The following CRYBG1 variants were observed in gnomAD, a reference collection of about 807,000 sequenced individuals.
CRYBG1 encodes the protein crystallin beta-gamma domain containing 1.
A neutral mutation model predicts 189.2 loss-of-function variants in CRYBG1; 139 were observed. That is an observed-to-expected ratio of 0.73 (90% CI 0.64 to 0.85). The LOEUF is 0.85. CRYBG1 is among the 40% of genes least tolerant of loss of function. The pLI is 0.00. For missense variants in CRYBG1, 2,611 were observed against 2,675.8 expected (o/e 0.98, Z 0.53); for synonymous variants, 1,023 against 1,017.1 (o/e 1.01, Z -0.11).
At chr6:106,439,445 A>T (rs1359141673) in intron 1 of CRYBG1, among the ~76,000 whole-genome samples, 2 of 152,200 alleles carry the variant, frequency 1.3e-5, no homozygotes, top group Non-Finnish European at 2.9e-5. Context: ...TAACTGAAGA[A>T]TATGAATACA....
chr6:106,443,536 G>A (rs1020739561), intron 1 of CRYBG1, among the ~76,000 whole-genome samples: 4 of 152,090 alleles, frequency 2.6e-5, no homozygotes, highest in Non-Finnish European at 4.4e-5. Context: ...AGAGTTCTAC[G>A]TGGCTGCATC....
At chr6:106,454,003 G>A (rs1431650348) in intron 2 of CRYBG1, among the ~76,000 whole-genome samples, 1 of 152,122 alleles carries the variant, frequency 6.6e-6, no homozygotes, top group African/African-American at 2.4e-5. Flanking sequence ...CTGGAATGGG[G>A]TCAGCCAGGC....
chr6:106,539,640 A>G (rs1774084954), intron 9 of CRYBG1, 111 bp downstream of exon 9: 1 of 1,235,002 alleles, frequency 8.1e-7, no homozygotes, highest in South Asian at 1.5e-5. Flanking sequence ...ACAAATTTGT[A>G]GTAGATTGGA....
At chr6:106,413,254 G>A (rs1009017537) in intron 1 of CRYBG1, among the ~76,000 whole-genome samples, 1 of 152,192 alleles carries the variant, frequency 6.6e-6, no homozygotes, top group African/African-American at 2.4e-5. Context: ...GCCAACCCCT[G>A]GCACTGGGCA....
chr6:106,524,603 A>G (rs1773691168), intron 4 of CRYBG1, among the ~76,000 whole-genome samples: 2 of 152,242 alleles, frequency 1.3e-5, no homozygotes. Context: ...TGTGCAATGT[A>G]CATTATGAAA....
intron 1 of CRYBG1, among the ~76,000 whole-genome samples, chr6:106,429,334 T>G (rs1261824524): frequency 6.6e-6 from 1 of 152,146 alleles, no homozygotes; most frequent in Non-Finnish European, 1.5e-5. Context: ...TTTTAGGGAC[T>G]ATAAAATAAA....
chr6:106,443,824 G>T (rs1036768283), intron 1 of CRYBG1, among the ~76,000 whole-genome samples: 1 of 152,038 alleles, frequency 6.6e-6, no homozygotes, highest in African/African-American at 2.4e-5. Context: ...GGTAAATGGG[G>T]TATCTTTCAC....
chr6:106,490,978 T>C (rs1331258768), intron 2 of CRYBG1, among the ~76,000 whole-genome samples: 1 of 152,244 alleles, frequency 6.6e-6, no homozygotes, highest in Non-Finnish European at 1.5e-5. Flanking sequence ...CTTCCTCTAA[T>C]TGCTGTGTGA....
At chr6:106,412,549 G>A (rs1180047570) in intron 1 of CRYBG1, among the ~76,000 whole-genome samples, 1 of 152,136 alleles carries the variant, frequency 6.6e-6, no homozygotes, top group Admixed American at 6.5e-5. Context: ...ACATGTGTAA[G>A]GTGGCATGGA....
At chr6:106,486,019 G>A (rs1201298025) in intron 2 of CRYBG1, among the ~76,000 whole-genome samples, 4 of 152,008 alleles carry the variant, frequency 2.6e-5, no homozygotes, top group African/African-American at 7.2e-5. Context: ...ATTTTGTTCT[G>A]TTCTTCTAGT....
intron 1 of CRYBG1, among the ~76,000 whole-genome samples, chr6:106,373,758 G>A (rs1770091103): frequency 6.6e-6 from 1 of 152,148 alleles, no homozygotes; most frequent in African/African-American, 2.4e-5. Flanking sequence ...TAGATTACAT[G>A]TTGTTGGCTT....
chr6:106,386,809 T>C (rs573674847), intron 1 of CRYBG1, among the ~76,000 whole-genome samples: 1 of 152,348 alleles, frequency 6.6e-6, no homozygotes, highest in East Asian at 1.9e-4. Flanking sequence ...TTGCCTGTCA[T>C]TCACTTCCTG....
intron 1 of CRYBG1, among the ~76,000 whole-genome samples, chr6:106,362,327 T>C (rs1203146743): frequency 6.6e-6 from 1 of 152,158 alleles, no homozygotes; most frequent in Non-Finnish European, 1.5e-5. Context: ...ACTTATTGTA[T>C]TGAGTACCTT....
intron 3 of CRYBG1, 44 bp downstream of exon 3, chr6:106,513,083 G>A (rs988253811): frequency 1.3e-6 from 2 of 1,564,236 alleles, no homozygotes; most frequent in African/African-American, 1.3e-5. Context: ...GTCCGCACAC[G>A]TGCTGGGGGT....
intron 2 of CRYBG1, among the ~76,000 whole-genome samples, chr6:106,487,213 A>G (rs1369918215): frequency 6.6e-6 from 1 of 152,086 alleles, no homozygotes; most frequent in Non-Finnish European, 1.5e-5. Context: ...ACCTTTTTGC[A>G]TTTTGGTTGC....
intron 2 of CRYBG1, among the ~76,000 whole-genome samples, chr6:106,458,482 C>T (rs910935151): frequency 6.6e-6 from 1 of 152,130 alleles, no homozygotes; most frequent in Non-Finnish European, 1.5e-5. Context: ...ACTTATTGTA[C>T]TGATTTACAA....
At chr6:106,393,680 C>CTT (rs3047147) in intron 1 of CRYBG1, among the ~76,000 whole-genome samples, 2 of 142,154 alleles carry the variant, frequency 1.4e-5, no homozygotes, top group African/African-American at 5.2e-5. Context: ...TTTCCTCTTC[C>CTT]TTTTTTTTTT....
At chr6:106,398,400 T>TGC (rs1770653180) in intron 1 of CRYBG1, among the ~76,000 whole-genome samples, 1 of 152,072 alleles carries the variant, frequency 6.6e-6, no homozygotes, top group South Asian at 2.1e-4. Flanking sequence ...GCTGAGATCG[T>TGC]GCTACTGTAC....
chr6:106,389,279 T>C (rs1208619062), intron 1 of CRYBG1, among the ~76,000 whole-genome samples: 2 of 152,190 alleles, frequency 1.3e-5, no homozygotes, highest in South Asian at 2.1e-4. Flanking sequence ...AATGTTCTTT[T>C]CCCATTTTAA....
Sources: gnomAD v4.1 joint callset for allele counts (sites outside exome capture counted in the v4.1 genomes callset) on GRCh38, gnomAD v4.1.1 for gene constraint, MANE v1.5 for transcripts, NCBI Gene and HGNC (gene_info 2026-07-23, HGNC 2026-07-21) for gene names.